The following CAST variants were observed in gnomAD, a reference collection of about 807,000 sequenced individuals.
CAST encodes the protein MIR583 host.
A neutral mutation model predicts 119.6 loss-of-function variants in CAST; 76 were observed. The ratio of observed to expected loss-of-function variants is 0.64; its 90% CI spans 0.53 to 0.77. CAST has a LOEUF of 0.77. CAST is among the 30% of genes least tolerant of loss of function. The pLI is 0.00. For synonymous variants in CAST, 319 were observed against 331.6 expected (o/e 0.96, Z 0.41); for missense variants, 953 against 946.5 (o/e 1.01, Z -0.09).
chr5:96,083,831 TA>T, the CAST span, among the ~76,000 whole-genome samples: 41 of 152,314 alleles, frequency 2.7e-4, no homozygotes, highest in Non-Finnish European at 5.1e-4. Context: ...GCCCACGCAA[TA>T]AACCCATCAT....
the CAST span, among the ~76,000 whole-genome samples, chr5:96,405,823 A>G: frequency 1.3e-5 from 2 of 152,208 alleles, no homozygotes; most frequent in Non-Finnish European, 2.9e-5. Context: ...CAGCAGATGG[A>G]TATTTCTACT....
At chr5:96,636,813 T>C (rs1747892761) in intron 1 of CAST, among the ~76,000 whole-genome samples, 1 of 151,740 alleles carries the variant, frequency 6.6e-6, no homozygotes, top group African/African-American at 2.4e-5. Context: ...TTTGCAGAAG[T>C]GTGGGAAGGA....
At chr5:96,561,087 C>T (rs1228961557) in intron 1 of CAST, among the ~76,000 whole-genome samples, 1 of 151,154 alleles carries the variant, frequency 6.6e-6, no homozygotes, top group Non-Finnish European at 1.5e-5. Flanking sequence ...TCATTCTGAG[C>T]AAACTATCGC....
chr5:96,493,626 G>A, the CAST span, among the ~76,000 whole-genome samples: 1 of 152,200 alleles, frequency 6.6e-6, no homozygotes, highest in African/African-American at 2.4e-5. Context: ...AGGTTTAATG[G>A]TGTTACACAG....
the CAST span, among the ~76,000 whole-genome samples, chr5:96,339,143 C>T: frequency 6.6e-6 from 1 of 152,050 alleles, no homozygotes; most frequent in Non-Finnish European, 1.5e-5. Context: ...TGCCAGTTAC[C>T]AACACTAAGT....
At chr5:96,054,471 T>C in the CAST span, among the ~76,000 whole-genome samples, 3 of 152,048 alleles carry the variant, frequency 2.0e-5, no homozygotes, top group Admixed American at 2.0e-4. Context: ...GTAAGTCTTA[T>C]TCATCACGGC....
At chr5:96,443,376 G>T in the CAST span, among the ~76,000 whole-genome samples, 2 of 152,126 alleles carry the variant, frequency 1.3e-5, no homozygotes, top group Non-Finnish European at 2.9e-5. Flanking sequence ...CTTCAAGCCA[G>T]CCAGGCACTC....
chr5:96,420,365 A>G, the CAST span, among the ~76,000 whole-genome samples: 1 of 152,140 alleles, frequency 6.6e-6, no homozygotes, highest in Non-Finnish European at 1.5e-5. Context: ...CATATAGCAA[A>G]AAGTTTGTCT....
the CAST span, among the ~76,000 whole-genome samples, chr5:96,108,768 G>A: frequency 3.0e-4 from 46 of 152,344 alleles, no homozygotes; most frequent in African/African-American, 1.0e-3. Flanking sequence ...GGAGCTTGCC[G>A]GCTGCTTTGT....
At chr5:96,707,517 G>T (rs533349831) in intron 3 of CAST, among the ~76,000 whole-genome samples, 2 of 151,918 alleles carry the variant, frequency 1.3e-5, no homozygotes, top group Admixed American at 1.3e-4. Context: ...TTCCTGAATT[G>T]CTGGGACTAC....
At chr5:96,765,009 C>T (rs1318261300) in intron 25 of CAST, among the ~76,000 whole-genome samples, 2 of 151,630 alleles carry the variant, frequency 1.3e-5, no homozygotes, top group African/African-American at 4.9e-5. Flanking sequence ...GCCCTCCAAC[C>T]CCAGTAGGGT....
chr5:96,433,273 A>G, the CAST span: 1 of 573,842 alleles, frequency 1.7e-6, no homozygotes, highest in Admixed American at 3.0e-5. Flanking sequence ...TCCCAGCCAG[A>G]ATGGAAATGA....
intron 1 of CAST, among the ~76,000 whole-genome samples, chr5:96,625,628 A>G (rs187912426): frequency 6.6e-6 from 1 of 152,256 alleles, no homozygotes; most frequent in Non-Finnish European, 1.5e-5. Flanking sequence ...TTGCTATTGT[A>G]TGCAAAATGT....
At chr5:96,617,668 A>T (rs62364684) in intron 1 of CAST, among the ~76,000 whole-genome samples, 6,457 of 151,558 alleles carry the variant, frequency 0.043, 185 homozygotes, top group Non-Finnish European at 0.065. Context: ...GGTGGGTGCC[A>T]GTAGTCCCAG....
the CAST span, among the ~76,000 whole-genome samples, chr5:96,040,910 C>G: frequency 6.6e-6 from 1 of 152,176 alleles, no homozygotes; most frequent in Non-Finnish European, 1.5e-5. Context: ...AGGATTCCCT[C>G]TTTTTCTATT....
chr5:96,415,187 T>C, the CAST span, among the ~76,000 whole-genome samples: 2 of 152,226 alleles, frequency 1.3e-5, no homozygotes, highest in East Asian at 3.9e-4. Flanking sequence ...CATTAGAACA[T>C]GGACTGCATC....
the CAST span, among the ~76,000 whole-genome samples, chr5:96,250,760 T>G: frequency 5.9e-5 from 9 of 152,168 alleles, no homozygotes; most frequent in East Asian, 1.7e-3. Context: ...AAATGCGGCT[T>G]CTCTACTTTA....
chr5:95,984,018 A>C, the CAST span, among the ~76,000 whole-genome samples: 5 of 152,180 alleles, frequency 3.3e-5, no homozygotes, highest in East Asian at 9.6e-4. Context: ...ATGCAAACCT[A>C]TACTCCTGCC....
At chr5:96,307,819 C>T in the CAST span, among the ~76,000 whole-genome samples, 1 of 152,182 alleles carries the variant, frequency 6.6e-6, no homozygotes, top group Non-Finnish European at 1.5e-5. Context: ...CCCGAGAGAT[C>T]CACTGCTAGT....
Sources: gnomAD v4.1 joint callset for allele counts (sites outside exome capture counted in the v4.1 genomes callset) on GRCh38, gnomAD v4.1.1 for gene constraint, MANE v1.5 for transcripts, NCBI Gene and HGNC (gene_info 2026-07-23, HGNC 2026-07-21) for gene names.